Variants in BCL7C observed in about 807,000 individuals in gnomAD.
The protein encoded by BCL7C is BAF chromatin remodeling complex subunit BCL7C, also known as B-cell CLL/lymphoma 7 protein family member C.
Under a neutral mutation model 26.2 loss-of-function variants are expected in BCL7C, and 8 were observed. That is an observed-to-expected ratio of 0.30 (90% CI 0.18 to 0.55). The LOEUF (loss-of-function observed/expected upper bound fraction) is 0.55. Among genes scored for constraint, BCL7C ranks in the 20% least tolerant of loss-of-function variants. The pLI is 0.93. For missense variants in BCL7C, 262 were observed against 298.5 expected, an observed-to-expected ratio of 0.88 and a Z score of 0.90; for synonymous variants, 90 against 116.5, an observed-to-expected ratio of 0.77 and a Z score of 1.47.
rs184626626 is a variant in BCL7C, at chr16:30,838,804, A to C, written c.529-3656T>G. Among the ~76,000 whole-genome samples the C allele has an allele frequency of 4.5e-3, 692 of 152,308 alleles. 7 individuals are homozygous for C. Among genetic ancestry groups the C allele is most frequent in the Non-Finnish European group, 5.0e-3 (340 of 68,026 alleles). ...CGTCTCAAACAAACAAACAAACAAA[A>C]AAAACCCCCAAATAGATTATATCAG... On this transcript the variant is annotated intron_variant, in intron 5 of 5. Transcript: ENST00000380317.
chr16:30,875,649 C>G (rs527573267), intron 5 of BCL7C: 1 of 152,394 alleles, frequency 6.6e-6, no homozygotes, highest in African/African-American at 2.4e-5. Context: ...ATTAAAACCT[C>G]CACCGGGCCG....
intron 5 of BCL7C, among the ~76,000 whole-genome samples, chr16:30,840,970 G>T (rs1219879217): frequency 6.6e-6 from 1 of 152,080 alleles, no homozygotes; most frequent in African/African-American, 2.4e-5. Flanking sequence ...AGATTTGGGT[G>T]GGGGGACACA....
intron 5 of BCL7C, among the ~76,000 whole-genome samples, chr16:30,880,829 G>A (rs1485037039): frequency 6.6e-6 from 1 of 151,990 alleles, no homozygotes; most frequent in East Asian, 1.9e-4. Context: ...CTCCCAAGTA[G>A]CTGGAACTAA....
intron 5 of BCL7C, among the ~76,000 whole-genome samples, chr16:30,844,330 C>T (rs1253847435): frequency 3.7e-5 from 4 of 106,750 alleles, no homozygotes; most frequent in East Asian, 3.1e-4. Flanking sequence ...AGCCTGGTGA[C>T]AGAGTGAGAC....
At chr16:30,866,470 AG>A (rs984934966) in intron 5 of BCL7C, among the ~76,000 whole-genome samples, 1 of 150,962 alleles carries the variant, frequency 6.6e-6, no homozygotes, top group African/African-American at 2.4e-5. Flanking sequence ...CCAGCTACTC[AG>A]GGGGCTGAGG....
At chr16:30,884,930 C>T (rs901730467), downstream of BCL7C, among the ~76,000 whole-genome samples, 3 of 152,144 alleles carry the variant, frequency 2.0e-5, no homozygotes, top group Non-Finnish European at 2.9e-5. Flanking sequence ...AACACTGCAC[C>T]ACTAACCCAC....
chr16:30,878,616 G>A (rs2054991405), intron 5 of BCL7C, among the ~76,000 whole-genome samples: 1 of 151,498 alleles, frequency 6.6e-6, no homozygotes, highest in South Asian at 2.1e-4. Context: ...AGGCCGAGGT[G>A]GGTGGATCAC....
At chr16:30,886,026 A>G (rs1457598436), downstream of BCL7C, among the ~76,000 whole-genome samples, 2 of 151,512 alleles carry the variant, frequency 1.3e-5, no homozygotes, top group Non-Finnish European at 2.9e-5. Flanking sequence ...TAATTTTTTC[A>G]TTTTTGTCTT....
downstream of BCL7C, among the ~76,000 whole-genome samples, chr16:30,883,099 G>C (rs28498159): frequency 0.027 from 4,178 of 152,264 alleles, 187 homozygotes; most frequent in African/African-American, 0.095. Context: ...ACCCAGCAGG[G>C]AGAGTGTGCA....
At chr16:30,862,587 A>C (rs925763589) in intron 5 of BCL7C, among the ~76,000 whole-genome samples, 1 of 151,774 alleles carries the variant, frequency 6.6e-6, no homozygotes, top group Non-Finnish European at 1.5e-5. Flanking sequence ...ATCTATTCTC[A>C]AAGGGATATC....
intron 5 of BCL7C, among the ~76,000 whole-genome samples, chr16:30,839,947 G>C (rs905126078): frequency 2.6e-5 from 4 of 152,178 alleles, no homozygotes; most frequent in African/African-American, 9.7e-5. Context: ...ATCCCTCCAG[G>C]AGAGGACTCT....
chr16:30,887,712 C>A, downstream of BCL7C: 1 of 1,287,366 alleles, frequency 7.8e-7, no homozygotes, highest in South Asian at 1.7e-5. Flanking sequence ...GCCTCAGTGA[C>A]CACATCTGAG....
rs565184536 is a variant in BCL7C, at chr16:30,856,600, C to T, written c.529-21452G>A. ...TTCTACGTTGTGCAGCCACTGAAGT[C>T]TGCTCTGTTAGAGCAGTTAGCCCAG... is the stretch of plus-strand genomic sequence containing the variant. On this transcript the variant is annotated intron_variant, in intron 5 of 5. Coordinates refer to the BCL7C transcript ENST00000380317. Among the ~76,000 whole-genome samples the T allele has an allele frequency of 2.0e-5, 3 of 152,336 alleles. No homozygotes were observed. The South Asian group carries it at 6.2e-4, about 32-fold the overall frequency.
chr16:30,893,938 C>G lies in BCL7C; in HGVS notation c.7G>C (p.Gly3Arg). The G allele has an allele frequency of 6.4e-7, 1 of 1,556,438 alleles. No individual in the cohort carries two copies. The highest frequency in any genetic ancestry group is 1.1e-5 in the South Asian group (1 of 88,288). ...CGGGTCTCGGCCCGTACAGTCCGGC[C>G]GGCCATGCTGGCGGGGCTGGGGCCG... Reference protein sequence around the residue: MAGRTVRAETRSR... With the variant: MARRTVRAETRSR... Residue 3 changes from glycine to arginine, a missense_variant, in exon 1 of 6, where the codon GGC (glycine) becomes CGC (arginine). Gly to Arg is a moderately radical substitution (Grantham distance 125, BLOSUM62 -2). Coordinates refer to ENST00000215115, the MANE Select transcript of BCL7C (RefSeq NM_004765.4). The surrounding 1 kb of genome is among the most constrained non-coding windows in gnomAD (Gnocchi z 5.2).
chr16:30,852,604 G>A (rs1294298723), intron 5 of BCL7C, among the ~76,000 whole-genome samples: 1 of 148,830 alleles, frequency 6.7e-6, no homozygotes, highest in Non-Finnish European at 1.5e-5. Flanking sequence ...TGATTCTTCT[G>A]CCTCAGCCTC....
At chr16:30,860,950 G>A (rs547595512) in intron 5 of BCL7C, among the ~76,000 whole-genome samples, 6 of 151,976 alleles carry the variant, frequency 3.9e-5, no homozygotes, top group Admixed American at 6.6e-5. Context: ...CCTCACACCC[G>A]GTCCGGCTTA....
chr16:30,862,350 C>T (rs1478217694), intron 5 of BCL7C, among the ~76,000 whole-genome samples: 3 of 152,196 alleles, frequency 2.0e-5, no homozygotes, highest in Non-Finnish European at 2.9e-5. Flanking sequence ...AGCCTCTCTT[C>T]GCTTTCACTT....
intron 5 of BCL7C, among the ~76,000 whole-genome samples, chr16:30,867,229 T>C (rs1351497113): frequency 1.3e-5 from 2 of 152,178 alleles, no homozygotes; most frequent in African/African-American, 4.8e-5. Flanking sequence ...ATCATTGAGA[T>C]TCTGACCATG....
At chr16:30,839,962 G>T (rs1016137221) in intron 5 of BCL7C, among the ~76,000 whole-genome samples, 1 of 152,194 alleles carries the variant, frequency 6.6e-6, no homozygotes, top group Non-Finnish European at 1.5e-5. Context: ...GACTCTGTCA[G>T]CTGTCTTGCA....
Sources: allele counts gnomAD v4.1 joint callset (sites outside exome capture counted in the v4.1 genomes callset), GRCh38; gene constraint gnomAD v4.1.1; non-coding constraint Gnocchi (gnomAD v3.1); transcripts MANE v1.5; gene names NCBI Gene and HGNC (gene_info 2026-07-23, HGNC 2026-07-21).